TSPAN9: variants seen among roughly 807,000 people sequenced by gnomAD.
TSPAN9 encodes the protein tetraspanin 9.
TSPAN9 carries 16 observed loss-of-function variants against 31.0 expected under a neutral mutation model. That is an observed-to-expected ratio of 0.52 (90% CI 0.35 to 0.78). The LOEUF (loss-of-function observed/expected upper bound fraction) is 0.78. Ranked by LOEUF, TSPAN9 falls within the 30% of genes least tolerant of loss-of-function variation. The pLI is 0.01. For missense variants in TSPAN9, 272 were observed against 312.5 expected, an observed-to-expected ratio of 0.87 and a Z score of 0.98; for synonymous variants, 145 against 121.6, an observed-to-expected ratio of 1.19 and a Z score of -1.27.
At position 3,187,884 on chromosome 12, in the gene TSPAN9, C is replaced by T. The variant is rs2098362235; in HGVS notation, c.-17-13293C>T. Among the ~76,000 whole-genome samples, 1 of 152,180 alleles carries T rather than the reference C, an allele frequency of 6.6e-6. No individual in the cohort carries two copies. The highest frequency in any genetic ancestry group is 2.4e-5 in the African/African-American group (1 of 41,440). On this transcript the variant is annotated intron_variant, in intron 2 of 8. Coordinates refer to ENST00000011898, the MANE Select transcript of TSPAN9 (RefSeq NM_006675.5). This position sits in a 1 kb window ranked among gnomAD's most constrained non-coding sequence, Gnocchi z 5.2. ...TGAACCTCCAGTCCTTGCATGTACT[C>T]AGGGGTACTTCTGTCCCACCCTTTC...
intron 3 of TSPAN9, among the ~76,000 whole-genome samples, chr12:3,212,129 G>A (rs1469313631): frequency 2.0e-5 from 3 of 152,060 alleles, no homozygotes; most frequent in Admixed American, 2.0e-4. Context: ...GTGCCACCAT[G>A]CCTGGCTAAT....
At chr12:3,091,827 TCAA>T (rs2098304845) in intron 2 of TSPAN9, among the ~76,000 whole-genome samples, 1 of 152,198 alleles carries the variant, frequency 6.6e-6, no homozygotes, top group Non-Finnish European at 1.5e-5. Context: ...CCTGGCCTCT[TCAA>T]CTGTGCTGTG....
Position 3,187,170 on chromosome 12 carries a change from C to T in TSPAN9, c.-17-14007C>T, listed in dbSNP as rs764276979. ...CTCTGTTTTCTTTCACTTGGCAGATCACCTGTGTTCATGCCGTGTGGTCAG... is the reference window on the plus strand; with the variant it reads ...CTCTGTTTTCTTTCACTTGGCAGATTACCTGTGTTCATGCCGTGTGGTCAG... On this transcript the variant is annotated intron_variant, in intron 2 of 8. Transcript: ENST00000011898. The surrounding 1 kb of genome is among the most constrained non-coding windows in gnomAD (Gnocchi z 5.2). Among the ~76,000 whole-genome samples the T allele has an allele frequency of 7.2e-5, 11 of 152,156 alleles. No homozygotes were observed. Among genetic ancestry groups the T allele is most frequent in the Non-Finnish European group, 1.5e-4 (10 of 68,038 alleles).
chr12:3,112,603 T>C (rs2098319609), intron 2 of TSPAN9, among the ~76,000 whole-genome samples: 1 of 151,776 alleles, frequency 6.6e-6, no homozygotes, highest in Non-Finnish European at 1.5e-5. Context: ...ATTTAAAAAA[T>C]TTTTGTAAAA....
intron 2 of TSPAN9, among the ~76,000 whole-genome samples, chr12:3,179,436 CAA>C (rs776712586): frequency 7.9e-5 from 12 of 152,270 alleles, no homozygotes; most frequent in East Asian, 5.8e-4. Flanking sequence ...CTAAGTGAAA[CAA>C]GAGAGGAAGC....
At chr12:3,116,773 G>A (rs7304958) in intron 2 of TSPAN9, among the ~76,000 whole-genome samples, 48,421 of 152,004 alleles carry the variant, frequency 0.32, 7,938 homozygotes, top group Middle Eastern at 0.45. Context: ...CCTGTCGTCC[G>A]CATGACAACC....
At chr12:3,256,719 A>G (rs538211884) in intron 3 of TSPAN9, among the ~76,000 whole-genome samples, 4 of 152,288 alleles carry the variant, frequency 2.6e-5, no homozygotes, top group African/African-American at 9.6e-5. Flanking sequence ...GGGGGACTAC[A>G]GAAAACCCCA....
At chr12:3,151,931 C>CA (rs891784634) in intron 2 of TSPAN9, among the ~76,000 whole-genome samples, 15 of 150,646 alleles carry the variant, frequency 1.0e-4, no homozygotes, top group Middle Eastern at 3.4e-3. Flanking sequence ...TCAAAAAAAA[C>CA]AAAAAAAACA....
intron 2 of TSPAN9, among the ~76,000 whole-genome samples, chr12:3,086,163 A>G (rs1269449454): frequency 2.0e-5 from 3 of 152,172 alleles, no homozygotes; most frequent in Non-Finnish European, 2.9e-5. Context: ...TTAGCTTCCA[A>G]ACTCTCTCCT....
intron 2 of TSPAN9, among the ~76,000 whole-genome samples, chr12:3,108,062 C>G (rs1306618411): frequency 6.6e-6 from 1 of 151,404 alleles, no homozygotes; most frequent in Non-Finnish European, 1.5e-5. Flanking sequence ...GCGTTCCCCT[C>G]TGGGTGGAGT....
At chr12:3,228,316 G>C (rs1377274985) in intron 3 of TSPAN9, among the ~76,000 whole-genome samples, 1 of 152,196 alleles carries the variant, frequency 6.6e-6, no homozygotes, top group Non-Finnish European at 1.5e-5. Flanking sequence ...AGTAAGCTGT[G>C]ATTGCACCAC....
At chr12:3,110,405 A>G (rs999975934) in intron 2 of TSPAN9, among the ~76,000 whole-genome samples, 11 of 152,340 alleles carry the variant, frequency 7.2e-5, no homozygotes, top group Middle Eastern at 3.4e-3. Flanking sequence ...ATGCTGGCCA[A>G]AAGTCTCTTT....
At chr12:3,205,319 T>C (rs1281245687) in intron 3 of TSPAN9, among the ~76,000 whole-genome samples, 1 of 152,228 alleles carries the variant, frequency 6.6e-6, no homozygotes, top group Non-Finnish European at 1.5e-5. Flanking sequence ...TCAGCCAGCC[T>C]GCTGGAACAG....
intron 2 of TSPAN9, among the ~76,000 whole-genome samples, chr12:3,113,251 A>C (rs2098320153): frequency 1.3e-5 from 2 of 151,864 alleles, no homozygotes; most frequent in Non-Finnish European, 2.9e-5. Context: ...AAAAGAGGGC[A>C]TGTGTGGTGG....
chr12:3,097,791 A>G (rs1026655205), intron 2 of TSPAN9, among the ~76,000 whole-genome samples: 1 of 152,184 alleles, frequency 6.6e-6, no homozygotes, highest in African/African-American at 2.4e-5. Flanking sequence ...GTCTCTTTCA[A>G]TTTCTCTATC....
intron 2 of TSPAN9, among the ~76,000 whole-genome samples, chr12:3,171,153 T>G (rs2098351608): frequency 6.6e-6 from 1 of 152,184 alleles, no homozygotes; most frequent in Non-Finnish European, 1.5e-5. Context: ...CTTTTCTGTT[T>G]AAAGCAGCTG....
At chr12:3,201,300 T>A (rs1179940394) in intron 3 of TSPAN9, 44 bp downstream of exon 3, 1 of 1,582,638 alleles carries the variant, frequency 6.3e-7, no homozygotes, top group Non-Finnish European at 8.7e-7. Flanking sequence ...CTTCTCCTCC[T>A]CTTGGCTTAC....
Position 3,267,785 on chromosome 12 carries a change from G to A in TSPAN9, c.64-10636G>A, listed in dbSNP as rs111931513. 2.6e-3 allele frequency among the ~76,000 whole-genome samples: 400 copies of A among 152,274 alleles called. 2 individuals carry two copies. Among genetic ancestry groups the A allele is most frequent in the Middle Eastern group, 6.8e-3 (2 of 294 alleles). ...GAGTTGAGACAGTGCCGTGTGCCGG[G>A]GCCTCAGGCTGCCTCCTCGTGGTTC... is the stretch of plus-strand genomic sequence containing the variant. On this transcript the variant is annotated intron_variant, in intron 3 of 8. Coordinates refer to ENST00000011898, the MANE Select transcript of TSPAN9 (RefSeq NM_006675.5).
At chr12:3,211,760 A>G in intron 3 of TSPAN9, 2 of 1,597,560 alleles carry the variant, frequency 1.3e-6, no homozygotes. Flanking sequence ...ACACAAAACT[A>G]CTGTTTGTGC....
Sources: gnomAD v4.1 joint callset for allele counts (sites outside exome capture counted in the v4.1 genomes callset) on GRCh38, gnomAD v4.1.1 for gene constraint, Gnocchi (gnomAD v3.1) non-coding constraint, MANE v1.5 for transcripts, NCBI Gene and HGNC (gene_info 2026-07-23, HGNC 2026-07-21) for gene names.